COG3: variants seen among roughly 807,000 people sequenced by gnomAD.
COG3 encodes the protein component of oligomeric golgi complex 3.
In COG3, 32 loss-of-function variants were observed where a neutral mutation model predicts 114.1. The ratio of observed to expected loss-of-function variants is 0.28; its 90% CI spans 0.21 to 0.38. COG3 has a LOEUF of 0.38. Ranked by LOEUF, COG3 falls within the 10% of genes least tolerant of loss-of-function variation. The pLI is 1.00. For missense variants in COG3, 813 were observed against 973.2 expected, an observed-to-expected ratio of 0.84 and a Z score of 2.19; for synonymous variants, 352 against 365.7, an observed-to-expected ratio of 0.96 and a Z score of 0.43.
rs1260642729 is a variant in COG3 at position 45,480,142 on chromosome 13, T to C, written c.401T>C (p.Leu134Ser). Residue 134 changes from leucine (L) to serine (S), a missense_variant, in exon 4 of 23, where the codon TTG becomes TCG. By Grantham distance (145) the Leu-to-Ser change is moderately radical. Transcript: ENST00000349995. ...TTTTCTAGACAGATGAGGGATTACT[T>C]GTCTGGGTTTCAGGAGCAGTGTGAT... ...GTKYRQMRDY[L>S]SGFQEQCDAI... The C allele has an allele frequency of 6.2e-7, 1 of 1,611,870 alleles. No individual in the cohort carries two copies. Among genetic ancestry groups the C allele is most frequent in the South Asian group, 1.1e-5 (1 of 90,754 alleles).
In COG3 at chr13:45,491,424, G is replaced by C; in HGVS notation, c.981G>C (p.Leu327=). 6.2e-7 allele frequency: 1 copy of C among 1,608,276 alleles called. No homozygotes were observed. The change falls in exon 10 of 23, where the codon CTG becomes CTC. Residue 327 remains leucine (L), a synonymous_variant. Transcript: ENST00000349995. ...TGCTTTCTGTCAGATACCAACAACT[G>C]CTAAATGATATCCACCAGTGTTACC... ...RSEKIPEYQQ[L]LNDIHQCYLD... is the part of the protein sequence containing the mutation.
At position 45,486,482 on chromosome 13, in the gene COG3, C is replaced by G. The variant is rs777771150; in HGVS notation, c.844-13C>G. On this transcript the variant is annotated splice_polypyrimidine_tract_variant and intron_variant, in intron 7 of 22. Transcript: ENST00000349995. Reference sequence around the variant, plus strand: ...ATTATCTTCCTTCCTTATCCTCCCCCATGTTTCTTTAGGATCCTTCATCTG... The same window carrying G: ...ATTATCTTCCTTCCTTATCCTCCCCGATGTTTCTTTAGGATCCTTCATCTG... The G allele has an allele frequency of 6.5e-7, 1 of 1,527,004 alleles. No individual in the cohort carries two copies. 94.6% of individuals were successfully genotyped at this position (1,527,004 alleles called of 1,614,324 possible).
intron 3 of COG3, 110 bp downstream of exon 3, chr13:45,479,176 A>G (rs1377722089): frequency 2.7e-6 from 2 of 743,884 alleles, no homozygotes; most frequent in East Asian, 5.0e-5. Flanking sequence ...AGAAAACTGT[A>G]ACAGCCATAT....
chr13:45,513,222 T>TATAATATATACATATAAATTATAC (rs1871090387), intron 16 of COG3, among the ~76,000 whole-genome samples: 3 of 17,914 alleles, frequency 1.7e-4, no homozygotes, highest in African/African-American at 3.1e-4. Context: ...AAATTATATA[T>TATAATATATACATATAAATTATAC]ATATAATATA....
chr13:45,521,846 G>T (rs898111338), intron 19 of COG3, among the ~76,000 whole-genome samples: 1 of 143,282 alleles, frequency 7.0e-6, no homozygotes. Flanking sequence ...TCTGTTACCT[G>T]GGCTGGAGTG....
chr13:45,533,367 A>G (rs1566277421), intron 22 of COG3, among the ~76,000 whole-genome samples: 1 of 152,162 alleles, frequency 6.6e-6, no homozygotes, highest in Admixed American at 6.5e-5. Flanking sequence ...AGAATAGTGT[A>G]AGGAGTGCCC....
chr13:45,522,998 CATATGTGT>C lies in COG3; in HGVS notation c.2155-1975_2155-1968del, dbSNP rs546863888. Among the ~76,000 whole-genome samples, 390 of 152,276 alleles carry C rather than the reference CATATGTGT, an allele frequency of 2.6e-3. 3 individuals are homozygous for C. The highest frequency in any genetic ancestry group is 0.014 in the Middle Eastern group (4 of 294). On this transcript the variant is annotated intron_variant, in intron 19 of 22. Transcript: ENST00000349995. ...AGGTTATCAGGAGAGAAAACAAGAT[CATATGTGT>C]ATCTGTAAAGTGCTTGCTGCAGAAA...
chr13:45,492,665 C>T (rs551408628), intron 11 of COG3, among the ~76,000 whole-genome samples: 231 of 152,210 alleles, frequency 1.5e-3, no homozygotes, highest in African/African-American at 5.0e-3. Flanking sequence ...TCTTTCAGAT[C>T]CACTGTTAGT....
chr13:45,526,009 A>T (rs1738587799), intron 20 of COG3, among the ~76,000 whole-genome samples: 2 of 145,078 alleles, frequency 1.4e-5, no homozygotes, highest in Non-Finnish European at 3.0e-5. Flanking sequence ...AAAGAGCATT[A>T]TATCTGTTAG....
At chr13:45,496,335 C>T in intron 13 of COG3, 23 bp downstream of exon 13, 2 of 1,513,010 alleles carry the variant, frequency 1.3e-6, no homozygotes, top group Non-Finnish European at 1.8e-6. Flanking sequence ...TACTTGATCT[C>T]CCGTCTGCCC....
intron 14 of COG3, among the ~76,000 whole-genome samples, chr13:45,509,481 C>T (rs1870616822): frequency 6.6e-6 from 1 of 152,212 alleles, no homozygotes; most frequent in Non-Finnish European, 1.5e-5. Flanking sequence ...TGTCCATATT[C>T]ATGTGTATTC....
chr13:45,502,181 T>A (rs1455930946), intron 13 of COG3, among the ~76,000 whole-genome samples: 1 of 152,214 alleles, frequency 6.6e-6, no homozygotes, highest in African/African-American at 2.4e-5. Context: ...AGACTAGATC[T>A]GTTTCCCAGC....
At chr13:45,523,908 A>G (rs1374880111) in intron 19 of COG3, among the ~76,000 whole-genome samples, 3 of 152,212 alleles carry the variant, frequency 2.0e-5, no homozygotes, top group Non-Finnish European at 4.4e-5. Flanking sequence ...AGCAGTGTCT[A>G]GTATCTATAA....
chr13:45,530,519 A>G lies in COG3; in HGVS notation c.2359-163A>G, dbSNP rs538835610. 3.7e-4 allele frequency among the ~76,000 whole-genome samples: 57 copies of G among 152,360 alleles called. 1 individual carries two copies. The highest frequency in any genetic ancestry group is 3.7e-3 in the Admixed American group (57 of 15,304). ...TTATCTGATAAGTCTTCATCAGGTCATGCCAGCACTGAAATATTAAGAGCA... is the reference window on the plus strand; with the variant it reads ...TTATCTGATAAGTCTTCATCAGGTCGTGCCAGCACTGAAATATTAAGAGCA... On this transcript the variant is annotated intron_variant, in intron 21 of 22. Coordinates refer to ENST00000349995, the MANE Select transcript of COG3 (RefSeq NM_031431.4).
intron 14 of COG3, among the ~76,000 whole-genome samples, chr13:45,504,528 A>T (rs761057835): frequency 7.2e-5 from 11 of 152,192 alleles, no homozygotes; most frequent in Non-Finnish European, 1.3e-4. Context: ...GTGATGGGTT[A>T]TTGGCAGAAC....
At chr13:45,517,239 A>G (rs1464753537) in intron 17 of COG3, among the ~76,000 whole-genome samples, 1 of 152,130 alleles carries the variant, frequency 6.6e-6, no homozygotes, top group Non-Finnish European at 1.5e-5. Flanking sequence ...GGTCACTCAA[A>G]TTATTTTCTA....
intron 13 of COG3, among the ~76,000 whole-genome samples, chr13:45,501,445 G>C (rs1334765923): frequency 1.3e-5 from 2 of 152,174 alleles, no homozygotes; most frequent in East Asian, 3.8e-4. Context: ...TGCTGCTCCA[G>C]CTTTCACCAC....
intron 5 of COG3, 54 bp downstream of exon 5, chr13:45,481,358 C>T: frequency 1.0e-6 from 1 of 965,482 alleles, no homozygotes; most frequent in South Asian, 1.5e-5. Flanking sequence ...TTTATTTTTG[C>T]CTTTCTTCGT....
chr13:45,468,276 A>G (rs1885268031), intron 1 of COG3, among the ~76,000 whole-genome samples: 1 of 152,218 alleles, frequency 6.6e-6, no homozygotes, highest in African/African-American at 2.4e-5. Flanking sequence ...ACTCATGATG[A>G]GTACTTATCT....
Sources: allele counts gnomAD v4.1 joint callset (sites outside exome capture counted in the v4.1 genomes callset), GRCh38; gene constraint gnomAD v4.1.1; transcripts MANE v1.5; gene names NCBI Gene and HGNC (gene_info 2026-07-23, HGNC 2026-07-21).